Variants in GRID2 observed in about 807,000 individuals in gnomAD.
The protein encoded by GRID2 is glutamate ionotropic receptor delta type subunit 2.
A neutral mutation model predicts 114.8 loss-of-function variants in GRID2; 33 were observed. The observed-to-expected ratio is 0.29, with a 90% CI of 0.22 to 0.38. The LOEUF (loss-of-function observed/expected upper bound fraction) is 0.38. Among genes scored for constraint, GRID2 ranks in the 10% least tolerant of loss-of-function variants. The probability of loss-of-function intolerance (pLI) is 1.00; values close to 1 mark genes in which losing one functional copy is unlikely to be tolerated. For missense variants in GRID2, 1,184 were observed against 1,257.7 expected (o/e 0.94, Z 0.89); for synonymous variants, 505 against 449.9 (o/e 1.12, Z -1.55).
chr4:93,774,959 T>C (rs1734334008), downstream of GRID2, among the ~76,000 whole-genome samples: 1 of 152,124 alleles, frequency 6.6e-6, no homozygotes. Flanking sequence ...TTAGGATTTA[T>C]TTCTTAAAAA....
intron 9 of GRID2, among the ~76,000 whole-genome samples, chr4:93,412,094 T>C (rs1359912286): frequency 6.6e-6 from 1 of 151,912 alleles, no homozygotes; most frequent in African/African-American, 2.4e-5. Context: ...CAATGTGCTG[T>C]GCTGTGTCAT....
chr4:92,502,340 T>C (rs950276270), intron 1 of GRID2, among the ~76,000 whole-genome samples: 4 of 152,090 alleles, frequency 2.6e-5, no homozygotes, highest in African/African-American at 9.7e-5. Flanking sequence ...TATTCTACAA[T>C]TATTAGGGGC....
intron 9 of GRID2, 98 bp from the exon 10 acceptor site, chr4:93,422,673 A>T: frequency 1.4e-6 from 1 of 739,426 alleles, no homozygotes; most frequent in Non-Finnish European, 2.3e-6. Context: ...AAAGTATAAA[A>T]CAATTTTTAG....
chr4:93,239,920 TCTTCTTG>T (rs1482871230), intron 8 of GRID2, among the ~76,000 whole-genome samples: 1 of 151,744 alleles, frequency 6.6e-6, no homozygotes, highest in East Asian at 1.9e-4. Context: ...TATATCCTTT[TCTTCTTG>T]CTTCTTGTGT....
chr4:93,033,507 A>G (rs894470540), intron 2 of GRID2, among the ~76,000 whole-genome samples: 1 of 152,096 alleles, frequency 6.6e-6, no homozygotes, highest in African/African-American at 2.4e-5. Flanking sequence ...CGTTGTGCAG[A>G]AGTTTTACTA....
intron 14 of GRID2, among the ~76,000 whole-genome samples, chr4:93,632,145 A>G (rs951196665): frequency 2.0e-5 from 3 of 151,872 alleles, no homozygotes; most frequent in Non-Finnish European, 2.9e-5. Flanking sequence ...GATTGCAAAA[A>G]TTTTCTCCCA....
intron 2 of GRID2, among the ~76,000 whole-genome samples, chr4:92,933,541 G>A (rs1258680764): frequency 6.6e-6 from 1 of 151,462 alleles, no homozygotes; most frequent in Non-Finnish European, 1.5e-5. Flanking sequence ...AAGTGATGTG[G>A]ATGCCTAAGA....
intron 8 of GRID2, among the ~76,000 whole-genome samples, chr4:93,357,147 T>C (rs777342021): frequency 1.5e-4 from 23 of 151,634 alleles, no homozygotes; most frequent in Non-Finnish European, 3.1e-4. Flanking sequence ...GTTATAACAA[T>C]TTACTCTCCC....
chr4:93,684,403 A>G (rs1181674226), intron 14 of GRID2, among the ~76,000 whole-genome samples: 1 of 152,262 alleles, frequency 6.6e-6, no homozygotes, highest in East Asian at 1.9e-4. Flanking sequence ...ATGCTGAAGG[A>G]CTGTGTTTTC....
intron 10 of GRID2, among the ~76,000 whole-genome samples, chr4:93,445,916 A>G (rs1190399733): frequency 5.9e-5 from 9 of 152,040 alleles, no homozygotes; most frequent in Non-Finnish European, 5.9e-5. Context: ...ATAGAAAATT[A>G]GAGGAAATTT....
intron 14 of GRID2, among the ~76,000 whole-genome samples, chr4:93,650,828 TATC>T (rs34344147): frequency 0.037 from 5,660 of 152,206 alleles, 190 homozygotes; most frequent in African/African-American, 0.087. Flanking sequence ...TTCTCCCTGT[TATC>T]ATTGATTAAA....
chr4:93,062,585 C>T (rs1727904278), intron 2 of GRID2, among the ~76,000 whole-genome samples: 2 of 152,000 alleles, frequency 1.3e-5, no homozygotes, highest in Non-Finnish European at 2.9e-5. Flanking sequence ...GACTCTGATT[C>T]CTCCTGATTT....
In GRID2 at chr4:93,442,578, T is replaced by C. The variant is rs1209168230; in HGVS notation, c.1546-13084T>C. On this transcript the variant is annotated intron_variant, in intron 10 of 15. Coordinates refer to ENST00000282020, the MANE Select transcript of GRID2 (RefSeq NM_001510.4). ...CACAGAGTTCTTGTTCTTCAAGAGC[T>C]AAGCAGCTCTATAGAGAAGAGAGAG... Among the ~76,000 whole-genome samples, 9 of 152,084 alleles carry C rather than the reference T, an allele frequency of 5.9e-5. No homozygotes were observed. The East Asian group carries it at 1.4e-3, about 23-fold the overall frequency.
chr4:93,324,649 G>C (rs1264959533), intron 8 of GRID2, among the ~76,000 whole-genome samples: 1 of 152,158 alleles, frequency 6.6e-6, no homozygotes, highest in African/African-American at 2.4e-5. Context: ...GCATTCGGCT[G>C]TGAATCTGTC....
intron 1 of GRID2, among the ~76,000 whole-genome samples, chr4:92,454,201 A>C (rs1013279492): frequency 1.3e-5 from 2 of 152,194 alleles, no homozygotes; most frequent in Non-Finnish European, 2.9e-5. Flanking sequence ...CATTAAAACA[A>C]TGACAAAATA....
At chr4:93,210,227 T>G (rs1290995892) in intron 5 of GRID2, among the ~76,000 whole-genome samples, 1 of 152,156 alleles carries the variant, frequency 6.6e-6, no homozygotes, top group African/African-American at 2.4e-5. Context: ...GTTTTACATT[T>G]AAGGTTTTAA....
chr4:93,093,929 T>G (rs1214675516), intron 3 of GRID2, among the ~76,000 whole-genome samples: 1 of 152,090 alleles, frequency 6.6e-6, no homozygotes, highest in African/African-American at 2.4e-5. Flanking sequence ...TACTATCAAG[T>G]TCAACCAAGC....
intron 2 of GRID2, among the ~76,000 whole-genome samples, chr4:92,866,792 C>A (rs572456368): frequency 2.6e-5 from 4 of 151,932 alleles, no homozygotes; most frequent in Non-Finnish European, 5.9e-5. Context: ...ACCTCGTGAT[C>A]CTCCCACCTC....
At chr4:92,428,046 AG>A (rs1482551245) in intron 1 of GRID2, among the ~76,000 whole-genome samples, 2 of 152,004 alleles carry the variant, frequency 1.3e-5, no homozygotes, top group African/African-American at 4.8e-5. Flanking sequence ...GCGGATCATG[AG>A]GTCAGGAGAT....
Sources: gnomAD v4.1 joint callset for allele counts (sites outside exome capture counted in the v4.1 genomes callset) on GRCh38, gnomAD v4.1.1 for gene constraint, MANE v1.5 for transcripts, NCBI Gene and HGNC (gene_info 2026-07-23, HGNC 2026-07-21) for gene names.